The following RASGRP3 variants were observed in gnomAD, a reference collection of about 807,000 sequenced individuals.
The protein encoded by RASGRP3 is RAS guanyl releasing protein 3.
Under a neutral mutation model 82.7 loss-of-function variants are expected in RASGRP3, and 54 were observed. That is an observed-to-expected ratio of 0.65 (90% CI 0.52 to 0.82). RASGRP3 has a LOEUF of 0.82. Ranked by LOEUF, RASGRP3 falls within the 40% of genes least tolerant of loss-of-function variation. The probability of loss-of-function intolerance (pLI) is 0.00; values close to 1 mark genes in which losing one functional copy is unlikely to be tolerated. For missense variants in RASGRP3, 861 were observed against 828.9 expected (o/e 1.04, Z -0.48); for synonymous variants, 309 against 300.5 (o/e 1.03, Z -0.29).
intron 6 of RASGRP3, 44 bp downstream of exon 6, chr2:33,520,728 C>G (rs752802001): frequency 6.2e-7 from 1 of 1,605,772 alleles, no homozygotes; most frequent in East Asian, 2.2e-5. Flanking sequence ...AAGTCCACCA[C>G]TTAGGGGAGG....
intron 6 of RASGRP3, among the ~76,000 whole-genome samples, chr2:33,521,060 T>A (rs1020718831): frequency 6.6e-6 from 1 of 152,208 alleles, no homozygotes; most frequent in African/African-American, 2.4e-5. Context: ...AGCATTGGCG[T>A]TACCTGGGAG....
rs1438180048 is a variant in RASGRP3 at position 33,515,181 on chromosome 2, G to A, written c.45G>A (p.Leu15=). The change falls in exon 3 of 18, where the codon CTG becomes CTA. Residue 15 remains leucine, a synonymous_variant. Transcript: ENST00000403687. ...GGAAAGCAGCAACATTAGATGAACT[G>A]CTGTGCACTTGCATTGAGATGTTTG... ...GLGKAATLDE[L]LCTCIEMFDD... is the part of the protein sequence containing the mutation. 1 of 1,613,978 alleles carries A rather than the reference G, an allele frequency of 6.2e-7. No homozygotes were observed. Among genetic ancestry groups the A allele is most frequent in the Non-Finnish European group, 8.5e-7 (1 of 1,179,872 alleles).
chr2:33,475,071 T>C (rs1667276379), upstream of RASGRP3, among the ~76,000 whole-genome samples: 1 of 152,240 alleles, frequency 6.6e-6, no homozygotes, highest in African/African-American at 2.4e-5. Flanking sequence ...AAATCCTCAG[T>C]AGGCCTCTTT....
intron 14 of RASGRP3, among the ~76,000 whole-genome samples, chr2:33,554,683 C>T (rs1675741242): frequency 6.6e-6 from 1 of 152,096 alleles, no homozygotes; most frequent in South Asian, 2.1e-4. Flanking sequence ...CCATATTAGC[C>T]AGGATGGTCT....
At chr2:33,505,845 A>G (rs1670319304) in intron 1 of RASGRP3, among the ~76,000 whole-genome samples, 1 of 151,996 alleles carries the variant, frequency 6.6e-6, no homozygotes, top group African/African-American at 2.4e-5. Context: ...TATATATATC[A>G]TTTCCCTGCT....
chr2:33,532,759 A>G (rs757202839), intron 10 of RASGRP3: 4 of 152,214 alleles, frequency 2.6e-5, no homozygotes, highest in Non-Finnish European at 4.4e-5. Context: ...GACAAAGTGC[A>G]GGTAAAAGAA....
At chr2:33,456,080 A>C (rs1352577381) in intron 2 of RASGRP3, among the ~76,000 whole-genome samples, 1 of 152,062 alleles carries the variant, frequency 6.6e-6, no homozygotes, top group African/African-American at 2.4e-5. Flanking sequence ...TTCCCACCAA[A>C]GTTACTTTCC....
At chr2:33,504,891 G>A (rs551910931) in intron 1 of RASGRP3, among the ~76,000 whole-genome samples, 13 of 152,302 alleles carry the variant, frequency 8.5e-5, no homozygotes, top group African/African-American at 2.4e-4. Flanking sequence ...GGCTGAGCAC[G>A]TTGGTATTGG....
At chr2:33,522,911 C>T (rs1045441209) in intron 7 of RASGRP3, among the ~76,000 whole-genome samples, 1 of 152,218 alleles carries the variant, frequency 6.6e-6, no homozygotes, top group African/African-American at 2.4e-5. Context: ...TCCCCACAGG[C>T]AGGCCATGGG....
At position 33,558,893 on chromosome 2, in the gene RASGRP3, A is replaced by G; in HGVS notation, c.1927A>G (p.Lys643Glu). The G allele has an allele frequency of 6.2e-7, 1 of 1,614,034 alleles. No homozygotes were observed. The part of the protein sequence containing the change: ...FPKMKSKFHD[K>E]AAKDKGFAKW... ...TAAAATGAAATCCAAGTTCCATGAC[A>G]AAGCAGCAAAGGACAAAGGCTTTGC... Residue 643 changes from lysine (K) to glutamate (E), a missense_variant, in exon 17 of 18, where the codon AAA becomes GAA. Lys to Glu is a moderately conservative substitution (Grantham distance 56). Transcript: ENST00000403687.
chr2:33,447,898 T>C (rs1057439058), exon 2 of RASGRP3: 3 of 152,232 alleles, frequency 2.0e-5, no homozygotes, highest in Admixed American at 2.0e-4. Context: ...GCGGCACCCC[T>C]CTGATGACCC....
In RASGRP3 at chr2:33,562,892, T is replaced by C; in HGVS notation, c.*155T>C. On this transcript the variant is annotated 3_prime_UTR_variant, in exon 18 of 18. Transcript: ENST00000403687. ...CTGTGGGATCTCCATGTTTGGACTA[T>C]GGGACAGAGAATTGACCCTAACTAA... The C allele has an allele frequency of 1.0e-6, 1 of 979,614 alleles. No individual in the cohort carries two copies. The highest frequency in any genetic ancestry group is 1.5e-6 in the Non-Finnish European group (1 of 669,374). The allele number at this position is 979,614 out of a possible 1,614,324, so 60.7% of individuals were successfully genotyped here. A position where few individuals can be genotyped will look rare whatever the true frequency, so the allele number is the denominator to read the frequency against.
Position 33,509,774 on chromosome 2 carries a change from C to T in RASGRP3, c.-260-1936C>T, listed in dbSNP as rs576032956. On this transcript the variant is annotated intron_variant, in intron 1 of 17. Coordinates refer to ENST00000403687, the MANE Select transcript of RASGRP3 (RefSeq NM_001139488.2). Reference sequence around the variant, plus strand: ...CTTATCCATTTATCCTTCACTTCCCCGACACCAACCCCTTCTACCAGCCAC... The same window carrying T: ...CTTATCCATTTATCCTTCACTTCCCTGACACCAACCCCTTCTACCAGCCAC... Among the ~76,000 whole-genome samples the T allele has an allele frequency of 6.6e-5, 10 of 152,252 alleles. No individual in the cohort carries two copies. In the East Asian group the frequency reaches 1.7e-3, roughly 26 times the overall value.
chr2:33,519,758 A>C (rs1671836447), intron 4 of RASGRP3, among the ~76,000 whole-genome samples, 194 bp from the exon 5 acceptor site: 1 of 152,220 alleles, frequency 6.6e-6, no homozygotes. Flanking sequence ...AAAAAAATGC[A>C]TTCCAGAGCT....
chr2:33,561,993 G>A (rs534021708), intron 17 of RASGRP3, among the ~76,000 whole-genome samples: 1 of 152,176 alleles, frequency 6.6e-6, no homozygotes, highest in Admixed American at 6.5e-5. Context: ...AAAGGGTTGG[G>A]AAATGCTGAC....
At chr2:33,526,407 A>G (rs540998471) in intron 9 of RASGRP3, among the ~76,000 whole-genome samples, 1 of 152,348 alleles carries the variant, frequency 6.6e-6, no homozygotes, top group South Asian at 2.1e-4. Context: ...CCGTTGTTTG[A>G]CCTCAAGCTC....
intron 4 of RASGRP3, among the ~76,000 whole-genome samples, chr2:33,518,962 T>A (rs1671733511): frequency 6.6e-6 from 1 of 152,236 alleles, no homozygotes; most frequent in South Asian, 2.1e-4. Context: ...AACTTTTTAA[T>A]TTTTTAAGTA....
At chr2:33,464,797 A>G (rs1666594144) in intron 2 of RASGRP3, among the ~76,000 whole-genome samples, 1 of 152,224 alleles carries the variant, frequency 6.6e-6, no homozygotes, top group African/African-American at 2.4e-5. Context: ...TGATGTTACT[A>G]TTGTAAGTGT....
Position 33,549,511 on chromosome 2 carries a change from C to T in RASGRP3, c.1395-93C>T, listed in dbSNP as rs1318760657. 4 of 1,289,172 alleles carry T rather than the reference C, an allele frequency of 3.1e-6. No homozygotes were observed. In the African/African-American group the frequency reaches 4.5e-5, roughly 14 times the overall value. The allele number at this position is 1,289,172 out of a possible 1,614,324, so 79.9% of individuals were successfully genotyped here. On this transcript the variant is annotated intron_variant, in intron 13 of 17. Coordinates refer to ENST00000403687, the MANE Select transcript of RASGRP3 (RefSeq NM_001139488.2). ...TGAATGTGCCTCAACTGCTTTTGGCCACAAAGGTTTGGGAGGTGGGTGATT... is the reference window on the plus strand; with the variant it reads ...TGAATGTGCCTCAACTGCTTTTGGCTACAAAGGTTTGGGAGGTGGGTGATT...
Sources: gnomAD v4.1 joint callset for allele counts (sites outside exome capture counted in the v4.1 genomes callset) on GRCh38, gnomAD v4.1.1 for gene constraint, MANE v1.5 for transcripts, NCBI Gene and HGNC (gene_info 2026-07-23, HGNC 2026-07-21) for gene names.